SHCBP1L: variants seen among roughly 807,000 people sequenced by gnomAD.
The protein encoded by SHCBP1L is SHC binding and spindle associated 1 like, also known as testicular spindle-associated protein SHCBP1L.
A neutral mutation model predicts 62.5 loss-of-function variants in SHCBP1L; 67 were observed. That is an observed-to-expected ratio of 1.07 (90% CI 0.88 to 1.31). The LOEUF is 1.31. Among genes scored for constraint, SHCBP1L ranks in the 40% most tolerant of loss-of-function variants. The pLI, the probability that SHCBP1L is intolerant of heterozygous loss-of-function variation, is 0.00. For synonymous variants in SHCBP1L, 284 were observed against 289.4 expected, an observed-to-expected ratio of 0.98 and a Z score of 0.19; for missense variants, 823 against 809.8, an observed-to-expected ratio of 1.02 and a Z score of -0.20.
At chr1:182,946,824 A>G (rs1651582545) in intron 2 of SHCBP1L, among the ~76,000 whole-genome samples, 1 of 152,162 alleles carries the variant, frequency 6.6e-6, no homozygotes. Flanking sequence ...CTATTTTTCT[A>G]TCTTCAAGCA....
At chr1:182,907,497 A>G (rs1042905208) in intron 6 of SHCBP1L, among the ~76,000 whole-genome samples, 4 of 151,234 alleles carry the variant, frequency 2.6e-5, no homozygotes, top group African/African-American at 9.7e-5. Flanking sequence ...ATATATTCTG[A>G]AAAAATGCCT....
intron 2 of SHCBP1L, among the ~76,000 whole-genome samples, chr1:182,942,863 A>G (rs1430913196): frequency 6.6e-6 from 1 of 152,188 alleles, no homozygotes; most frequent in African/African-American, 2.4e-5. Context: ...AACAATAATC[A>G]CTTAAATACA....
chr1:182,951,946 G>T, intron 1 of SHCBP1L: 1 of 358,376 alleles, frequency 2.8e-6, no homozygotes, highest in Non-Finnish European at 5.7e-6. Flanking sequence ...CCTGAGGTCG[G>T]GAGTTCGAGT....
intron 6 of SHCBP1L, among the ~76,000 whole-genome samples, chr1:182,927,191 G>GT (rs1650791970): frequency 6.7e-6 from 1 of 149,826 alleles, no homozygotes; most frequent in South Asian, 2.1e-4. Flanking sequence ...GCCTAAGATT[G>GT]TTTATTAAGT....
Position 182,905,202 on chromosome 1 carries a change from C to T in SHCBP1L, c.1336+294G>A, listed in dbSNP as rs74129616. Among the ~76,000 whole-genome samples, 661 of 152,270 alleles carry T rather than the reference C, an allele frequency of 4.3e-3. 7 individuals carry two copies. The highest frequency in any genetic ancestry group is 0.015 in the African/African-American group (630 of 41,554). ...TGGTGAGTTAGCATGTGATATTAGC[C>T]TTTTTGAGAAAATGATGAGCATATT... On this transcript the variant is annotated intron_variant, in intron 7 of 9. Coordinates refer to ENST00000367547, the MANE Select transcript of SHCBP1L (RefSeq NM_030933.4).
intron 6 of SHCBP1L, among the ~76,000 whole-genome samples, chr1:182,907,202 G>A (rs143059153): frequency 0.093 from 14,038 of 151,648 alleles, 923 homozygotes; most frequent in African/African-American, 0.18. Flanking sequence ...GGAGGCCAAG[G>A]TGGGTGGATC....
At chr1:182,914,450 T>C (rs553289301) in intron 6 of SHCBP1L, among the ~76,000 whole-genome samples, 1 of 152,272 alleles carries the variant, frequency 6.6e-6, no homozygotes, top group Non-Finnish European at 1.5e-5. Context: ...TGTAAATCCA[T>C]GCTAATGGGG....
chr1:182,953,064 C>G lies in SHCBP1L; in HGVS notation c.70G>C (p.Glu24Gln), dbSNP rs757058112. The change falls in exon 1 of 10, where the codon GAG (glutamate) becomes CAG (glutamine). Residue 24 changes from glutamate to glutamine, a missense_variant. Transcript: ENST00000367547. The part of the protein sequence containing the change: ...FRTISPDRRG[E>Q]KSASAVSGDT... ...CCGGAGACAGCGGAGGCGGACTTCT[C>G]GCCTCGCCTGTCCGGGCTGATGGTG... 6.5e-7 allele frequency: 1 copy of G among 1,547,818 alleles called. No homozygotes were observed. The highest frequency in any genetic ancestry group is 1.8e-4 in the Middle Eastern group (1 of 5,556).
intron 6 of SHCBP1L, among the ~76,000 whole-genome samples, chr1:182,906,296 G>T (rs1265725766): frequency 6.6e-6 from 1 of 151,940 alleles, no homozygotes; most frequent in East Asian, 1.9e-4. Context: ...AAGATTAAAT[G>T]AATTGTCAAA....
At chr1:182,952,349 T>C (rs929283442) in intron 1 of SHCBP1L, among the ~76,000 whole-genome samples, 1 of 150,050 alleles carries the variant, frequency 6.7e-6, no homozygotes, top group Non-Finnish European at 1.5e-5. Context: ...TCTAGCATTC[T>C]AGTGTAAAAG....
intron 8 of SHCBP1L, among the ~76,000 whole-genome samples, chr1:182,903,550 A>G (rs1423754737): frequency 6.6e-6 from 1 of 152,202 alleles, no homozygotes; most frequent in East Asian, 1.9e-4. Context: ...AATTCTTTAA[A>G]AAGATGCTCT....
At chr1:182,933,302 CTT>C (rs1187506574) in intron 5 of SHCBP1L, among the ~76,000 whole-genome samples, 1 of 152,208 alleles carries the variant, frequency 6.6e-6, no homozygotes, top group Non-Finnish European at 1.5e-5. Flanking sequence ...TTACTTCTTC[CTT>C]TCCAATCTGT....
intron 5 of SHCBP1L, among the ~76,000 whole-genome samples, chr1:182,932,157 A>T (rs576401906): frequency 6.6e-6 from 1 of 151,636 alleles, no homozygotes; most frequent in South Asian, 2.1e-4. Flanking sequence ...GTGTCCCAAC[A>T]TTCCTTGTCT....
At chr1:182,909,000 C>G (rs1650098599) in intron 6 of SHCBP1L, among the ~76,000 whole-genome samples, 1 of 152,096 alleles carries the variant, frequency 6.6e-6, no homozygotes, top group South Asian at 2.1e-4. Flanking sequence ...TGTAAAATTC[C>G]TATAAACCTT....
intron 9 of SHCBP1L, among the ~76,000 whole-genome samples, chr1:182,900,774 T>C (rs1486985124): frequency 6.6e-6 from 1 of 152,158 alleles, no homozygotes; most frequent in Non-Finnish European, 1.5e-5. Flanking sequence ...GCTCATGCCC[T>C]GTAATCCCAG....
At chr1:182,901,175 A>G (rs1163567373) in intron 9 of SHCBP1L, among the ~76,000 whole-genome samples, 3 of 152,094 alleles carry the variant, frequency 2.0e-5, no homozygotes, top group Non-Finnish European at 2.9e-5. Flanking sequence ...AGAGTGTTTC[A>G]GGTCAGGCGT....
rs751500922 is a variant in SHCBP1L, at chr1:182,953,111, G to T, written c.23C>A (p.Ser8Ter). 37 of 1,576,754 alleles carry T rather than the reference G, an allele frequency of 2.3e-5. 3 individuals are homozygous for T. In the South Asian group the frequency reaches 3.2e-4, roughly 14 times the overall value. The stretch of plus-strand genomic sequence containing the variant: ...GGTGCGGAATGAGTCCGCGGGCACC[G>T]AGGCCTTGGAGCCCGACGCCATCTC... The part of the protein sequence containing the change: MASGSKA[S>*]VPADSFRTIS... Residue 8 changes from serine to a stop codon, truncating the protein, a stop_gained, in exon 1 of 10, where the codon TCG becomes TAG. Transcript: ENST00000367547. LOFTEE classifies it high-confidence loss of function.
At chr1:182,905,705 A>G in intron 6 of SHCBP1L, 56 bp from the exon 7 acceptor site, 1 of 1,543,532 alleles carries the variant, frequency 6.5e-7, no homozygotes, top group Non-Finnish European at 8.8e-7. Context: ...GAAACATGTC[A>G]TTTTAATCAG....
At chr1:182,938,264 CG>C (rs1651244880) in intron 5 of SHCBP1L, among the ~76,000 whole-genome samples, 1 of 151,972 alleles carries the variant, frequency 6.6e-6, no homozygotes, top group Admixed American at 6.6e-5. Context: ...TGCACCACCA[CG>C]CCCGGCTAAT....
Sources: allele counts gnomAD v4.1 joint callset (sites outside exome capture counted in the v4.1 genomes callset), GRCh38; gene constraint gnomAD v4.1.1; transcripts MANE v1.5; gene names NCBI Gene and HGNC (gene_info 2026-07-23, HGNC 2026-07-21).